The following MYRIP variants were observed in gnomAD, a reference collection of about 807,000 sequenced individuals.
The protein encoded by MYRIP is rab effector MyRIP.
In MYRIP, 49 loss-of-function variants were observed where a neutral mutation model predicts 98.0. The ratio of observed to expected loss-of-function variants is 0.50; its 90% CI spans 0.40 to 0.63. The LOEUF is 0.63. MYRIP is among the 30% of genes least tolerant of loss of function. The probability of loss-of-function intolerance (pLI) is 0.00; values close to 1 mark genes in which losing one functional copy is unlikely to be tolerated. For missense variants in MYRIP, 1,004 were observed against 1,058.2 expected, an observed-to-expected ratio of 0.95 and a Z score of 0.71; for synonymous variants, 404 against 409.5, an observed-to-expected ratio of 0.99 and a Z score of 0.16.
intron 1 of MYRIP, among the ~76,000 whole-genome samples, chr3:39,883,668 G>A (rs68175643): frequency 0.051 from 7,772 of 151,860 alleles, 230 homozygotes; most frequent in African/African-American, 0.067. Context: ...AAAATTTAGA[G>A]TTGAAAAATG....
intron 2 of MYRIP, among the ~76,000 whole-genome samples, chr3:39,933,546 G>T (rs1271306160): frequency 6.6e-6 from 1 of 152,212 alleles, no homozygotes; most frequent in East Asian, 1.9e-4. Context: ...CTGAGAAGAA[G>T]CCACTCAATT....
At chr3:39,809,362 C>G (rs1265022629), upstream of MYRIP, among the ~76,000 whole-genome samples, 3 of 149,980 alleles carry the variant, frequency 2.0e-5, no homozygotes, top group East Asian at 5.9e-4. Context: ...CCCGGGCGCG[C>G]GCAGCCCTGC....
chr3:40,088,132 A>C (rs1203995961), intron 3 of MYRIP, among the ~76,000 whole-genome samples: 1 of 152,170 alleles, frequency 6.6e-6, no homozygotes, highest in Non-Finnish European at 1.5e-5. Context: ...GTGGGAAGAC[A>C]GCAGGGGTCC....
intron 3 of MYRIP, among the ~76,000 whole-genome samples, chr3:40,138,601 A>C (rs1293559219): frequency 6.6e-6 from 1 of 152,214 alleles, no homozygotes; most frequent in Non-Finnish European, 1.5e-5. Context: ...AGAAATCTTA[A>C]GATACTTAAT....
chr3:40,114,175 G>C (rs985396733), intron 3 of MYRIP, among the ~76,000 whole-genome samples: 1 of 152,094 alleles, frequency 6.6e-6, no homozygotes, highest in African/African-American at 2.4e-5. Context: ...TACAACAGTG[G>C]TACTATAACA....
At chr3:40,008,309 GTATT>G (rs1946679878) in intron 2 of MYRIP, among the ~76,000 whole-genome samples, 1 of 152,160 alleles carries the variant, frequency 6.6e-6, no homozygotes, top group Non-Finnish European at 1.5e-5. Flanking sequence ...AATAAGCTAT[GTATT>G]TATTTATTCA....
At chr3:40,152,942 T>C (rs1180531473) in intron 4 of MYRIP, among the ~76,000 whole-genome samples, 18 of 93,530 alleles carry the variant, frequency 1.9e-4, no homozygotes, top group Non-Finnish European at 4.3e-5. Flanking sequence ...CATAGCACAA[T>C]CCTGTCTCTA....
intron 3 of MYRIP, among the ~76,000 whole-genome samples, chr3:40,060,773 A>G (rs573960593): frequency 6.6e-6 from 1 of 152,120 alleles, no homozygotes; most frequent in East Asian, 1.9e-4. Flanking sequence ...GTGTGTTTTT[A>G]GTAGAGACGG....
intron 3 of MYRIP, among the ~76,000 whole-genome samples, chr3:40,080,913 A>G (rs1471407392): frequency 6.8e-6 from 1 of 147,084 alleles, no homozygotes; most frequent in Non-Finnish European, 1.5e-5. Flanking sequence ...TTCTTTTCTC[A>G]CTAAATTCTT....
At chr3:39,859,665 A>G (rs1243425863) in intron 1 of MYRIP, among the ~76,000 whole-genome samples, 1 of 152,232 alleles carries the variant, frequency 6.6e-6, no homozygotes, top group Non-Finnish European at 1.5e-5. Flanking sequence ...ATCATACACT[A>G]TGGTTAAGCA....
intron 3 of MYRIP, among the ~76,000 whole-genome samples, chr3:40,054,198 C>G (rs1947842080): frequency 6.6e-6 from 1 of 152,160 alleles, no homozygotes; most frequent in South Asian, 2.1e-4. Flanking sequence ...TGAATTAAAT[C>G]TTTAAGTTAT....
intron 2 of MYRIP, among the ~76,000 whole-genome samples, chr3:39,965,331 A>G (rs1241194396): frequency 2.0e-5 from 3 of 152,182 alleles, no homozygotes; most frequent in Non-Finnish European, 2.9e-5. Context: ...AAGAAAAAAT[A>G]AAGCATTTTA....
intron 9 of MYRIP, 132 bp downstream of exon 9, chr3:40,182,505 C>A: frequency 5.7e-6 from 6 of 1,054,164 alleles, no homozygotes; most frequent in Non-Finnish European, 8.0e-6. Flanking sequence ...TCTGGGCTAC[C>A]AAGTCATGAG....
intron 3 of MYRIP, among the ~76,000 whole-genome samples, chr3:40,077,788 G>A (rs190692310): frequency 0.031 from 4,745 of 152,378 alleles, 128 homozygotes; most frequent in Non-Finnish European, 0.051. Flanking sequence ...TACAATCCCT[G>A]AGCTAGACAT....
chr3:39,924,414 C>T (rs574747925), intron 2 of MYRIP, among the ~76,000 whole-genome samples: 4 of 151,840 alleles, frequency 2.6e-5, no homozygotes, highest in Non-Finnish European at 5.9e-5. Context: ...ATAAACAGGT[C>T]GATCAACGAA....
chr3:39,997,577 G>A (rs549450484), intron 2 of MYRIP, among the ~76,000 whole-genome samples: 5 of 152,024 alleles, frequency 3.3e-5, no homozygotes, highest in African/African-American at 9.7e-5. Flanking sequence ...AGGACCAGAC[G>A]GATTCACAGC....
chr3:40,004,039 C>T (rs1458312189), intron 2 of MYRIP, among the ~76,000 whole-genome samples: 1 of 152,154 alleles, frequency 6.6e-6, no homozygotes, highest in Non-Finnish European at 1.5e-5. Context: ...CTCTCCTGGG[C>T]CCCTGCCCCT....
At chr3:40,137,206 A>G (rs1003115678) in intron 3 of MYRIP, among the ~76,000 whole-genome samples, 7 of 152,178 alleles carry the variant, frequency 4.6e-5, no homozygotes, top group African/African-American at 1.7e-4. Flanking sequence ...GGGGATATCA[A>G]CACTGATCCC....
At chr3:39,949,212 G>A (rs998756801) in intron 2 of MYRIP, among the ~76,000 whole-genome samples, 1 of 152,098 alleles carries the variant, frequency 6.6e-6, no homozygotes, top group Non-Finnish European at 1.5e-5. Flanking sequence ...AAGAAGAAGA[G>A]GTTCCTTTTC....
Sources: gnomAD v4.1 joint callset for allele counts (sites outside exome capture counted in the v4.1 genomes callset) on GRCh38, gnomAD v4.1.1 for gene constraint, MANE v1.5 for transcripts, NCBI Gene and HGNC (gene_info 2026-07-23, HGNC 2026-07-21) for gene names.